The following NEB variants were observed in gnomAD, a reference collection of about 807,000 sequenced individuals.
NEB encodes nebulin.
A neutral mutation model predicts 952.2 loss-of-function variants in NEB; 512 were observed. The ratio of observed to expected loss-of-function variants is 0.54; its 90% confidence interval spans 0.50 to 0.58. The LOEUF is 0.58. Among genes scored for constraint, NEB ranks in the 20% least tolerant of loss-of-function variants. The pLI, the probability that NEB is intolerant of heterozygous loss-of-function variation, is 0.00. For synonymous variants in NEB, 2,900 were observed against 3,149.8 expected (o/e 0.92, Z 2.66); for missense variants, 8,428 against 9,231.1 (o/e 0.91, Z 3.56).
At chr2:151,731,117 A>G (rs1350545758) in intron 3 of NEB, among the ~76,000 whole-genome samples, 1 of 152,180 alleles carries the variant, frequency 6.6e-6, no homozygotes, top group Non-Finnish European at 1.5e-5. Flanking sequence ...AAGATTCACA[A>G]CTATTTTGGA....
Position 151,697,586 on chromosome 2 carries a change from G to T in NEB, c.1215C>A (p.Pro405=). The T allele has an allele frequency of 6.2e-7, 1 of 1,613,240 alleles. No homozygotes were observed. Among genetic ancestry groups the T allele is most frequent in the Non-Finnish European group, 8.5e-7 (1 of 1,179,718 alleles). Residue 405 remains proline, a synonymous_variant, in exon 14 of 182, where the codon CCC becomes CCA. Coordinates refer to ENST00000397345, the MANE Select transcript of NEB (RefSeq NM_001164508.2). ...KAKSINYCET[P]KFKLDTVLQN... is the part of the protein sequence containing the mutation. ...GCAGAACAGTATCGAGCTTGAATTTGGGGGTCTCGCAGTAATTTATGCTCT... is the reference window on the plus strand; with the variant it reads ...GCAGAACAGTATCGAGCTTGAATTTTGGGGTCTCGCAGTAATTTATGCTCT...
chr2:151,523,314 C>T (rs2083259593), intron 153 of NEB, among the ~76,000 whole-genome samples: 1 of 152,190 alleles, frequency 6.6e-6, no homozygotes, highest in African/African-American at 2.4e-5. Flanking sequence ...CATCAGTCAT[C>T]TGACCCTCTT....
Position 151,695,509 on chromosome 2 carries a change from A to G in NEB, c.1674+69T>C, listed in dbSNP as rs2099589637. ...ACATTAATCTATTCATTGAATTGCA[A>G]CAAAGCAGTTCAAACATAAAAGCAC... On this transcript the variant is annotated intron_variant, in intron 18 of 181. Transcript: ENST00000397345. 21 of 1,081,780 alleles carry G rather than the reference A, an allele frequency of 1.9e-5. No individual in the cohort carries two copies. The South Asian group carries it at 2.8e-4, about 14-fold the overall frequency. 67.0% of individuals were successfully genotyped at this position (1,081,780 alleles called of 1,614,324 possible).
In NEB at chr2:151,655,534, AT is replaced by A. The variant is rs1023498522; in HGVS notation, c.6703-161del. Among the ~76,000 whole-genome samples, 43 of 146,672 alleles carry A rather than the reference AT, an allele frequency of 2.9e-4. 1 individual carries two copies. Among genetic ancestry groups the A allele is most frequent in the Non-Finnish European group, 2.2e-4 (14 of 64,442 alleles). ...GAAAAGACCCTAAAAACAAACTCAG[AT>A]TTAAAAAAAAAATCTTTTAAGTATT... On this transcript the variant is annotated intron_variant, in intron 50 of 181. Transcript: ENST00000397345.
At chr2:151,678,657 AAAGG>A (rs1173675392) in intron 32 of NEB, among the ~76,000 whole-genome samples, 4 of 152,304 alleles carry the variant, frequency 2.6e-5, no homozygotes, top group Admixed American at 2.6e-4. Context: ...TTGGATATTC[AAAGG>A]GAGACCCAGA....
Position 151,610,581 on chromosome 2 carries a change from A to T in NEB, c.11953T>A (p.Tyr3985Asn), listed in dbSNP as rs2097911917. ...GAAATAGCATCTGCTCTCAGATCAT[A>T]GTCCTTCATCTTTGATTCATCCCAT... ...KGWDESKMKD[Y>N]DLRADAISIK... Residue 3985 changes from tyrosine (Y) to asparagine (N), a missense_variant, in exon 80 of 182, where the codon TAT becomes AAT. Transcript: ENST00000397345. 6.2e-7 allele frequency: 1 copy of T among 1,613,862 alleles called. No homozygotes were observed. The highest frequency in any genetic ancestry group is 1.3e-5 in the African/African-American group (1 of 75,066).
intron 8 of NEB, among the ~76,000 whole-genome samples, chr2:151,723,750 GTTTTTTTTTT>G (rs11308757): frequency 3.9e-5 from 2 of 51,364 alleles, no homozygotes; most frequent in African/African-American, 1.4e-4. Context: ...TGCCTTCTTT[GTTTTTTTTTT>G]TTTTTTTTTT....
Position 151,490,351 on chromosome 2 carries a change from A to C in NEB, c.25297+21T>G, listed in dbSNP as rs187316268. ...GAGCTGGCCGGGTGGGACTGCCAAA[A>C]TCAGCGCCAGGCACTTGTACCTGTT... On this transcript the variant is annotated intron_variant, in intron 180 of 181. Coordinates refer to ENST00000397345, the MANE Select transcript of NEB (RefSeq NM_001164508.2). The C allele has an allele frequency of 8.2e-6, 13 of 1,581,698 alleles. No homozygotes were observed. The African/African-American group carries it at 1.2e-4, about 15-fold the overall frequency.
rs778962225 is a variant in NEB, at chr2:151,561,073, G to T, written c.19137C>A (p.Asp6379Glu). The change falls in exon 123 of 182, where the codon GAC becomes GAA. Residue 6379 changes from aspartate (D) to glutamate (E), a missense_variant. Coordinates refer to ENST00000397345, the MANE Select transcript of NEB (RefSeq NM_001164508.2). ...KYKENYHQIK[D>E]KYTTVLETVD... ...CTGTTTCTAGAACTGTTGTGTATTT[G>T]TCCTTAATCTGATGATAATTTTCTT... 1.9e-6 allele frequency: 3 copies of T among 1,601,522 alleles called. No homozygotes were observed. Among genetic ancestry groups the T allele is most frequent in the Non-Finnish European group, 2.6e-6 (3 of 1,173,092 alleles).
chr2:151,698,671 T>G (rs2099617955), intron 13 of NEB, among the ~76,000 whole-genome samples: 1 of 145,412 alleles, frequency 6.9e-6, no homozygotes, highest in Admixed American at 7.0e-5. Context: ...GGAGTCTCCC[T>G]CTGTTGCCCA....
At chr2:151,578,687 G>A (rs2153824805) in intron 105 of NEB, among the ~76,000 whole-genome samples, 1 of 150,100 alleles carries the variant, frequency 6.7e-6, no homozygotes, top group South Asian at 2.2e-4. Context: ...GGGAAGGAAG[G>A]AAGGAAGGAG....
intron 129 of NEB, 84 bp from the exon 130 acceptor site, chr2:151,549,824 T>C: frequency 1.3e-6 from 1 of 786,562 alleles, no homozygotes; most frequent in Non-Finnish European, 2.2e-6. Context: ...ATAGCTCATG[T>C]TACAGTTTTG....
At chr2:151,576,384 G>A (rs2096828486) in intron 105 of NEB, 30 bp from the exon 106 acceptor site, 1 of 1,548,980 alleles carries the variant, frequency 6.5e-7, no homozygotes, top group South Asian at 1.2e-5. Context: ...TAGAAGCAGG[G>A]TTTGTGTTTT....
intron 106 of NEB, 123 bp downstream of exon 106, chr2:151,576,027 GT>G (rs1461760387): frequency 1.3e-6 from 1 of 763,938 alleles, no homozygotes; most frequent in African/African-American, 1.8e-5. Flanking sequence ...AGACAATACT[GT>G]ATTACTTAAT....
In NEB at chr2:151,568,599, A is replaced by C; in HGVS notation, c.17634+19T>G. The C allele has an allele frequency of 6.3e-7, 1 of 1,577,726 alleles. No individual in the cohort carries two copies. The highest frequency in any genetic ancestry group is 8.7e-7 in the Non-Finnish European group (1 of 1,154,120). On this transcript the variant is annotated intron_variant, in intron 111 of 181. Coordinates refer to ENST00000397345, the MANE Select transcript of NEB (RefSeq NM_001164508.2). The stretch of plus-strand genomic sequence containing the variant: ...GATATCTGCATCACTGTGAGATTTT[A>C]AAACAGCCATATACTTACATCATCG...
chr2:151,561,178 T>C (rs147589464), intron 122 of NEB, 30 bp downstream of exon 122: 1 of 1,581,256 alleles, frequency 6.3e-7, no homozygotes, highest in Non-Finnish European at 8.7e-7. Context: ...AAATAGTTTG[T>C]CCCTGGAAGA....
chr2:151,529,784 C>G lies in NEB; in HGVS notation c.21631-470G>C, dbSNP rs144823501. ...CCTCAGGTGATCCCGCCCACCTCAG[C>G]CTTTCAAAGTGCTGGGATTACAGGT... On this transcript the variant is annotated intron_variant, in intron 145 of 181. Coordinates refer to ENST00000397345, the MANE Select transcript of NEB (RefSeq NM_001164508.2). Among the ~76,000 whole-genome samples, 876 of 152,302 alleles carry G rather than the reference C, an allele frequency of 5.8e-3. 5 individuals carry two copies. The highest frequency in any genetic ancestry group is 9.1e-3 in the Non-Finnish European group (619 of 68,020).
chr2:151,553,918 A>G lies in NEB; in HGVS notation c.19536T>C (p.Ile6512=). The change falls in exon 126 of 182, where the codon ATT becomes ATC. Residue 6512 remains isoleucine, a synonymous_variant. Coordinates refer to ENST00000397345, the MANE Select transcript of NEB (RefSeq NM_001164508.2). ...ATTCGTGGAGGCGCAGGCGGTAATC[A>G]ATCTCACTGACTTTCTTCTGGGAAT... The part of the protein sequence containing the change: ...AKDSQKKVSE[I]DYRLRLHEWI... 1 of 1,613,928 alleles carries G rather than the reference A, an allele frequency of 6.2e-7. No homozygotes were observed. The highest frequency in any genetic ancestry group is 2.2e-5 in the East Asian group (1 of 44,870).
At chr2:151,733,622 C>T (rs1053797613) in intron 2 of NEB, 90 bp downstream of exon 2, 1 of 154,706 alleles carries the variant, frequency 6.5e-6, no homozygotes, top group African/African-American at 2.4e-5. Context: ...TCCATACTGC[C>T]CTGATCCACT....
Sources: gnomAD v4.1 joint callset for allele counts (sites outside exome capture counted in the v4.1 genomes callset) on GRCh38, gnomAD v4.1.1 for gene constraint, MANE v1.5 for transcripts, NCBI Gene and HGNC (gene_info 2026-07-23, HGNC 2026-07-21) for gene names.